Variants in POLE2 observed in about 807,000 individuals in gnomAD.
POLE2 encodes DNA polymerase epsilon 2, accessory subunit.
In POLE2, 56 loss-of-function variants were observed where a neutral mutation model predicts 79.4. The ratio of observed to expected loss-of-function variants is 0.71; its 90% CI spans 0.57 to 0.88. The LOEUF (loss-of-function observed/expected upper bound fraction) is 0.88, where lower values mean the gene tolerates loss of function less well. Ranked by LOEUF, POLE2 falls within the 40% of genes least tolerant of loss-of-function variation. The pLI is 0.00. For missense variants in POLE2, 598 were observed against 638.9 expected (o/e 0.94, Z 0.69); for synonymous variants, 212 against 214.0 (o/e 0.99, Z 0.08).
intron 13 of POLE2, 114 bp from the exon 14 acceptor site, chr14:49,654,328 T>G: frequency 1.4e-6 from 1 of 733,918 alleles, no homozygotes; most frequent in Non-Finnish European, 2.3e-6. Flanking sequence ...CATTTAAATT[T>G]CATGCATTAT....
At chr14:49,672,418 C>T (rs1885961450) in intron 5 of POLE2, among the ~76,000 whole-genome samples, 1 of 151,952 alleles carries the variant, frequency 6.6e-6, no homozygotes, top group Non-Finnish European at 1.5e-5. Context: ...TACCGCTGAC[C>T]ATCTGCTCCT....
At chr14:49,677,377 A>G (rs1445697148) in intron 3 of POLE2, 2 of 497,120 alleles carry the variant, frequency 4.0e-6, no homozygotes, top group East Asian at 3.7e-5. Context: ...CTGGGTATCT[A>G]CAGCGGCTTG....
At chr14:49,665,525 T>C (rs1207681941) in intron 7 of POLE2, among the ~76,000 whole-genome samples, 1 of 152,194 alleles carries the variant, frequency 6.6e-6, no homozygotes, top group African/African-American at 2.4e-5. Flanking sequence ...AACCCAGTAC[T>C]CTCCGTTTAT....
chr14:49,672,407 C>G (rs906746258), intron 5 of POLE2, among the ~76,000 whole-genome samples: 1 of 152,086 alleles, frequency 6.6e-6, no homozygotes, highest in East Asian at 1.9e-4. Context: ...TTTATTTAAC[C>G]TACCGCTGAC....
intron 5 of POLE2, among the ~76,000 whole-genome samples, chr14:49,673,864 G>A (rs1886065194): frequency 6.6e-6 from 1 of 152,166 alleles, no homozygotes; most frequent in Non-Finnish European, 1.5e-5. Context: ...TATGTTAAGT[G>A]CTACCTGGCA....
chr14:49,666,555 A>C (rs2139653781), intron 6 of POLE2, 142 bp from the exon 7 acceptor site: 2 of 448,826 alleles, frequency 4.5e-6, no homozygotes, highest in East Asian at 7.4e-5. Flanking sequence ...AATGGAAATA[A>C]AGTTGTAAAA....
chr14:49,685,478 T>C (rs185372931), intron 1 of POLE2, among the ~76,000 whole-genome samples: 8 of 152,282 alleles, frequency 5.3e-5, no homozygotes, highest in African/African-American at 1.9e-4. Context: ...TGTAAAGCCA[T>C]ACAGAATCTT....
chr14:49,665,779 A>G (rs959398907), intron 7 of POLE2, among the ~76,000 whole-genome samples: 2 of 151,106 alleles, frequency 1.3e-5, no homozygotes, highest in African/African-American at 4.9e-5. Context: ...AACAGGCCCT[A>G]TGGAGAGAGA....
At chr14:49,651,449 T>C (rs546194111) in intron 15 of POLE2, 72 bp from the exon 16 acceptor site, 1 of 653,858 alleles carries the variant, frequency 1.5e-6, no homozygotes, top group Non-Finnish European at 2.7e-6. Flanking sequence ...TAAAATCTCT[T>C]ACAATACAAC....
chr14:49,674,553 C>A, intron 3 of POLE2, 126 bp from the exon 4 acceptor site: 1 of 656,034 alleles, frequency 1.5e-6, no homozygotes, highest in Non-Finnish European at 2.7e-6. Flanking sequence ...GCCAGGCACA[C>A]AATTTCTTTT....
chr14:49,666,275 C>T, intron 7 of POLE2, 55 bp downstream of exon 7: 2 of 869,908 alleles, frequency 2.3e-6, no homozygotes, highest in Non-Finnish European at 3.7e-6. Flanking sequence ...TTCTATGTAA[C>T]CGACATTTCA....
intron 2 of POLE2, among the ~76,000 whole-genome samples, chr14:49,682,794 C>A (rs1232595000): frequency 5.3e-5 from 8 of 150,008 alleles, no homozygotes; most frequent in African/African-American, 2.0e-4. Context: ...CTTAGACTTA[C>A]AAAATTAAGT....
In POLE2 at chr14:49,655,302, T is replaced by G. The variant is rs938138770; in HGVS notation, c.929-208A>C. Among the ~76,000 whole-genome samples, 4 of 152,100 alleles carry G rather than the reference T, an allele frequency of 2.6e-5. 1 individual carries two copies. Among genetic ancestry groups the G allele is most frequent in the African/African-American group, 9.7e-5 (4 of 41,420 alleles). Reference sequence around the variant, plus strand: ...ATTGGCTTAATTACTCCTCAGAACATCCATAAAATCTGAGACTTAGGTTAA... The same window carrying G: ...ATTGGCTTAATTACTCCTCAGAACAGCCATAAAATCTGAGACTTAGGTTAA... On this transcript the variant is annotated intron_variant, in intron 11 of 18. Transcript: ENST00000216367.
chr14:49,679,821 T>A, intron 2 of POLE2, 21 bp from the exon 3 acceptor site: 1 of 1,459,442 alleles, frequency 6.9e-7, no homozygotes, highest in Non-Finnish European at 9.5e-7. Flanking sequence ...AATTTCAAAG[T>A]CAAAATTTAA....
chr14:49,655,562 CTGTT>C, intron 11 of POLE2, 105 bp downstream of exon 11: 2 of 763,164 alleles, frequency 2.6e-6, no homozygotes, highest in Non-Finnish European at 4.3e-6. Context: ...ATTGCTAACT[CTGTT>C]TTTTTTTAAA....
intron 1 of POLE2, 107 bp downstream of exon 1, chr14:49,688,029 C>T: frequency 1.1e-6 from 1 of 901,830 alleles, no homozygotes; most frequent in Non-Finnish European, 1.7e-6. Context: ...TAAGGTCAAG[C>T]CCCCTCTCGG....
chr14:49,653,199 T>C (rs931609805), intron 15 of POLE2, among the ~76,000 whole-genome samples: 1 of 151,930 alleles, frequency 6.6e-6, no homozygotes, highest in African/African-American at 2.4e-5. Context: ...GTTTGGAAGG[T>C]AGGTTGAAGT....
At chr14:49,648,260 C>T (rs1883934563) in intron 17 of POLE2, among the ~76,000 whole-genome samples, 1 of 152,108 alleles carries the variant, frequency 6.6e-6, no homozygotes, top group Non-Finnish European at 1.5e-5. Flanking sequence ...GGCAGGCATT[C>T]GTTAATGTGA....
At position 49,674,379 on chromosome 14, in the gene POLE2, C is replaced by T; in HGVS notation, c.294G>A (p.Val98=). 4 of 1,610,590 alleles carry T rather than the reference C, an allele frequency of 2.5e-6. No homozygotes were observed. Among genetic ancestry groups the T allele is most frequent in the Non-Finnish European group, 3.4e-6 (4 of 1,177,168 alleles). Residue 98 remains valine, a synonymous_variant, in exon 4 of 19, where the codon GTG becomes GTA. Coordinates refer to ENST00000216367, the MANE Select transcript of POLE2 (RefSeq NM_002692.4). ...GAAATTTTTTTCTTTCTGAATTGTA[C>T]ACAAAGCGTGGAATATCAAATGCTC... ...IIGAFDIPRF[V]YNSERKKFLP...
Sources: allele counts gnomAD v4.1 joint callset (sites outside exome capture counted in the v4.1 genomes callset), GRCh38; gene constraint gnomAD v4.1.1; transcripts MANE v1.5; gene names NCBI Gene and HGNC (gene_info 2026-07-23, HGNC 2026-07-21).